Variants in KHDRBS2 observed in about 807,000 individuals in gnomAD.
KHDRBS2 encodes the protein KH RNA binding domain containing, signal transduction associated 2.
Under a neutral mutation model 44.3 loss-of-function variants are expected in KHDRBS2, and 26 were observed. The ratio of observed to expected loss-of-function variants is 0.59; its 90% CI spans 0.43 to 0.81. KHDRBS2 has a LOEUF of 0.81. KHDRBS2 is among the 40% of genes least tolerant of loss of function. KHDRBS2 has a pLI of 0.00. For synonymous variants in KHDRBS2, 194 were observed against 151.1 expected, an observed-to-expected ratio of 1.28 and a Z score of -2.08; for missense variants, 476 against 433.1, an observed-to-expected ratio of 1.10 and a Z score of -0.88.
At chr6:61,855,634 T>TTTTGC (rs776375065) in intron 6 of KHDRBS2, among the ~76,000 whole-genome samples, 7 of 150,980 alleles carry the variant, frequency 4.6e-5, no homozygotes, top group Non-Finnish European at 7.4e-5. Context: ...CTTTGTTTTG[T>TTTTGC]TTTGTTTTGT....
At chr6:61,845,740 G>A (rs545014281) in intron 6 of KHDRBS2, among the ~76,000 whole-genome samples, 19 of 152,334 alleles carry the variant, frequency 1.2e-4, no homozygotes, top group Admixed American at 7.8e-4. Context: ...ATAAATCTGA[G>A]AAAGCCTCTC....
At chr6:62,264,681 T>C (rs551079832) in intron 1 of KHDRBS2, among the ~76,000 whole-genome samples, 4 of 151,766 alleles carry the variant, frequency 2.6e-5, no homozygotes, top group East Asian at 3.9e-4. Context: ...TTGAGACATA[T>C]AGAGTAGGGA....
At chr6:61,661,378 T>G in the KHDRBS2 span, 3 of 151,868 alleles carry the variant, frequency 2.0e-5, no homozygotes, top group African/African-American at 4.8e-5. Flanking sequence ...CAGTCCCAGA[T>G]GAGCAGAACA....
the KHDRBS2 span, among the ~76,000 whole-genome samples, chr6:61,607,796 T>C: frequency 6.6e-6 from 1 of 152,120 alleles, no homozygotes; most frequent in Admixed American, 6.5e-5. Flanking sequence ...CAAGCAATTC[T>C]CCTGCCTCAG....
the KHDRBS2 span, among the ~76,000 whole-genome samples, chr6:61,544,944 T>C: frequency 6.6e-6 from 1 of 151,284 alleles, no homozygotes; most frequent in African/African-American, 2.4e-5. Context: ...GTGGAGGGAG[T>C]GGCGAGGGAT....
intron 1 of KHDRBS2, among the ~76,000 whole-genome samples, chr6:62,268,462 C>G (rs1413547168): frequency 1.3e-5 from 2 of 152,072 alleles, no homozygotes; most frequent in Non-Finnish European, 2.9e-5. Flanking sequence ...TGGCCGCTAA[C>G]ATGCCCCTGA....
intron 1 of KHDRBS2, among the ~76,000 whole-genome samples, chr6:62,222,789 T>A (rs373507689): frequency 1.3e-5 from 2 of 152,154 alleles, no homozygotes; most frequent in East Asian, 1.9e-4. Flanking sequence ...ATCTTAAAAC[T>A]CCAAAATAAT....
At chr6:61,603,234 A>G in the KHDRBS2 span, among the ~76,000 whole-genome samples, 1 of 152,208 alleles carries the variant, frequency 6.6e-6, no homozygotes, top group Non-Finnish European at 1.5e-5. Context: ...AGGTTAGTTC[A>G]GGATCTGTGC....
rs1833132561 is a variant in KHDRBS2 at position 62,233,028 on chromosome 6, A to G, written c.91+52830T>C. On this transcript the variant is annotated intron_variant, in intron 1 of 8. Transcript: ENST00000281156. ...ACCACAGCCATAAGTCCTTTCATTTAGCCTCACTGGACGATATTAAGTTTC... is the reference window on the plus strand; with the variant it reads ...ACCACAGCCATAAGTCCTTTCATTTGGCCTCACTGGACGATATTAAGTTTC... Among the ~76,000 whole-genome samples the G allele has an allele frequency of 2.0e-5, 3 of 152,160 alleles. No homozygotes were observed. The South Asian group carries it at 6.2e-4, about 32-fold the overall frequency.
chr6:61,940,525 C>G (rs1811942870), intron 4 of KHDRBS2, among the ~76,000 whole-genome samples: 1 of 152,144 alleles, frequency 6.6e-6, no homozygotes, highest in Non-Finnish European at 1.5e-5. Context: ...GACTTGGCCT[C>G]AAGCTATCTT....
At chr6:61,995,830 T>C (rs772342960) in intron 3 of KHDRBS2, among the ~76,000 whole-genome samples, 45 of 152,242 alleles carry the variant, frequency 3.0e-4, no homozygotes, top group Admixed American at 4.6e-4. Flanking sequence ...TCACCACTCT[T>C]CTCCCCACCA....
intron 8 of KHDRBS2, among the ~76,000 whole-genome samples, chr6:61,688,008 TATTTAA>T (rs1159189295): frequency 2.0e-5 from 3 of 151,916 alleles, no homozygotes; most frequent in Non-Finnish European, 2.9e-5. Flanking sequence ...TACATTATTG[TATTTAA>T]TAAATTGACT....
At chr6:61,544,847 G>A in the KHDRBS2 span, among the ~76,000 whole-genome samples, 11 of 151,982 alleles carry the variant, frequency 7.2e-5, no homozygotes, top group South Asian at 4.1e-4. Flanking sequence ...ACCAAACACC[G>A]CATGTTCTCA....
intron 1 of KHDRBS2, among the ~76,000 whole-genome samples, chr6:62,219,237 G>A (rs2150150947): frequency 6.8e-6 from 1 of 147,194 alleles, no homozygotes; most frequent in East Asian, 1.9e-4. Flanking sequence ...AGATTTTGTA[G>A]AAGGAAGTGT....
chr6:61,881,390 T>C (rs1800188649), intron 6 of KHDRBS2, among the ~76,000 whole-genome samples: 1 of 151,962 alleles, frequency 6.6e-6, no homozygotes, highest in Admixed American at 6.6e-5. Flanking sequence ...TTTTTAATAT[T>C]CAAAATGCAT....
At chr6:62,097,612 G>A (rs1800907073) in intron 2 of KHDRBS2, among the ~76,000 whole-genome samples, 1 of 151,834 alleles carries the variant, frequency 6.6e-6, no homozygotes, top group Non-Finnish European at 1.5e-5. Context: ...TAGTTTATGT[G>A]TGTCCTTACA....
intron 7 of KHDRBS2, among the ~76,000 whole-genome samples, chr6:61,719,143 C>A (rs1472656690): frequency 6.6e-6 from 1 of 152,036 alleles, no homozygotes; most frequent in Non-Finnish European, 1.5e-5. Context: ...CAAAGACTTC[C>A]ATTTAAATAT....
intron 2 of KHDRBS2, among the ~76,000 whole-genome samples, chr6:62,048,196 T>C (rs1788167784): frequency 6.6e-6 from 1 of 150,630 alleles, no homozygotes; most frequent in Non-Finnish European, 1.5e-5. Flanking sequence ...CTAACACTCA[T>C]TTTAAAAGCT....
At chr6:62,101,140 G>C (rs191416674) in intron 2 of KHDRBS2, among the ~76,000 whole-genome samples, 1 of 152,046 alleles carries the variant, frequency 6.6e-6, no homozygotes, top group South Asian at 2.1e-4. Context: ...AATATGAAGA[G>C]AATAAAACAC....
Sources: allele counts gnomAD v4.1 joint callset (sites outside exome capture counted in the v4.1 genomes callset), GRCh38; gene constraint gnomAD v4.1.1; transcripts MANE v1.5; gene names NCBI Gene and HGNC (gene_info 2026-07-23, HGNC 2026-07-21).